GDA: variants seen among roughly 807,000 people sequenced by gnomAD.
GDA encodes cytoplasmic PSD-95 interactor.
Under a neutral mutation model 59.6 loss-of-function variants are expected in GDA, and 18 were observed. That is an observed-to-expected ratio of 0.30 (90% CI 0.21 to 0.45). GDA has a LOEUF of 0.45. Among genes scored for constraint, GDA ranks in the 20% least tolerant of loss-of-function variants. The pLI is 1.00. For missense variants in GDA, 427 were observed against 552.3 expected (o/e 0.77, Z 2.27); for synonymous variants, 201 against 201.1 (o/e 1.00, Z 0.00).
intron 9 of GDA, among the ~76,000 whole-genome samples, chr9:72,230,700 G>C (rs2131658323): frequency 6.6e-6 from 1 of 152,050 alleles, no homozygotes; most frequent in Non-Finnish European, 1.5e-5. Context: ...TACTCATTCA[G>C]GGTAACAAAT....
chr9:72,182,068 A>G (rs1174162443), intron 1 of GDA, among the ~76,000 whole-genome samples: 1 of 152,090 alleles, frequency 6.6e-6, no homozygotes, highest in African/African-American at 2.4e-5. Flanking sequence ...TAAGTTATAG[A>G]CATGCTGTTG....
chr9:72,126,790 C>T (rs960281208), intron 1 of GDA, among the ~76,000 whole-genome samples: 2 of 151,904 alleles, frequency 1.3e-5, no homozygotes, highest in African/African-American at 4.8e-5. Flanking sequence ...TGGTCTTGAG[C>T]GCCTGACCTC....
chr9:72,218,806 T>A (rs1836479326), intron 5 of GDA, among the ~76,000 whole-genome samples: 1 of 152,206 alleles, frequency 6.6e-6, no homozygotes, highest in Non-Finnish European at 1.5e-5. Context: ...TCCAAGTGCA[T>A]AGGACTTCAT....
In GDA at chr9:72,151,848, CT is replaced by C. The variant is rs1468810963; in HGVS notation, c.123+2167del. 2.6e-5 allele frequency among the ~76,000 whole-genome samples: 4 copies of C among 152,266 alleles called. No homozygotes were observed. In the East Asian group the frequency reaches 7.7e-4, roughly 29 times the overall value. On this transcript the variant is annotated intron_variant, in intron 1 of 13. Coordinates refer to ENST00000358399, the MANE Select transcript of GDA (RefSeq NM_004293.5). ...TTGATCTCCTGACCTCGTGATCCCC[CT>C]GCCTCGGCCTCCCAAAGTGCTGGGA...
chr9:72,248,233 A>G (rs1043450661), intron 13 of GDA, 39 bp from the exon 14 acceptor site: 2 of 1,396,504 alleles, frequency 1.4e-6, no homozygotes. Flanking sequence ...TTATTGACAC[A>G]AAAGGATTTT....
intron 1 of GDA, among the ~76,000 whole-genome samples, chr9:72,164,440 C>T (rs1829035466): frequency 6.6e-6 from 1 of 152,110 alleles, no homozygotes; most frequent in African/African-American, 2.4e-5. Context: ...AAGCTTATTT[C>T]AGCACAGGGA....
chr9:72,238,937 T>C (rs1240517649), intron 10 of GDA, among the ~76,000 whole-genome samples: 1 of 152,228 alleles, frequency 6.6e-6, no homozygotes, highest in Admixed American at 6.5e-5. Flanking sequence ...CCTAAGTAAC[T>C]GATCAAAGGT....
intron 5 of GDA, 65 bp downstream of exon 5, chr9:72,214,056 G>A: frequency 1.1e-6 from 1 of 923,984 alleles, no homozygotes. Flanking sequence ...GATGGAGTTA[G>A]AGATGGAAAA....
chr9:72,213,826 G>GA (rs1835741849), intron 4 of GDA, 60 bp from the exon 5 acceptor site: 1 of 806,980 alleles, frequency 1.2e-6, no homozygotes, highest in East Asian at 2.7e-5. Context: ...AAAAGAAAAA[G>GA]AAAAAGTACT....
At chr9:72,230,500 AAAT>A (rs1335884466) in intron 9 of GDA, among the ~76,000 whole-genome samples, 293 of 123,102 alleles carry the variant, frequency 2.4e-3, no homozygotes, top group African/African-American at 6.6e-3. Flanking sequence ...CAAAAAAAAA[AAAT>A]ATATATATAT....
In GDA at chr9:72,131,028, T is replaced by A. The variant is rs2130613657; in HGVS notation, c.-100+16195T>A. ...CATTTGAGAAATAAGGGAGCAATAG[T>A]CATCACAAGGACAGTGCAATTGGTT... On this transcript the variant is annotated intron_variant, in intron 1 of 13. Coordinates refer to the GDA transcript ENST00000545168. Among the ~76,000 whole-genome samples, 3 of 152,312 alleles carry A rather than the reference T, an allele frequency of 2.0e-5. No individual in the cohort carries two copies. In the South Asian group the frequency reaches 6.2e-4, roughly 32 times the overall value.
At chr9:72,148,313 G>GTGTA (rs1377991961), upstream of GDA, among the ~76,000 whole-genome samples, 1 of 2,108 alleles carries the variant, frequency 4.7e-4, no homozygotes, top group African/African-American at 5.1e-4. Flanking sequence ...GTGTGTATGT[G>GTGTA]TGTGTGTGTG....
At chr9:72,166,595 A>G (rs1829342271) in intron 1 of GDA, among the ~76,000 whole-genome samples, 1 of 152,228 alleles carries the variant, frequency 6.6e-6, no homozygotes, top group African/African-American at 2.4e-5. Flanking sequence ...TGACTTGATC[A>G]TTACATATTC....
intron 13 of GDA, 130 bp from the exon 14 acceptor site, chr9:72,248,142 G>T: frequency 2.8e-6 from 2 of 703,516 alleles, no homozygotes; most frequent in Non-Finnish European, 5.2e-6. Context: ...ACAATCTGAG[G>T]GTTGGGGGAA....
chr9:72,139,107 T>C (rs1166775887), intron 1 of GDA, among the ~76,000 whole-genome samples: 2 of 152,204 alleles, frequency 1.3e-5, no homozygotes, highest in African/African-American at 4.8e-5. Flanking sequence ...TCAAGCACTT[T>C]ACCTTAAGGT....
intron 1 of GDA, among the ~76,000 whole-genome samples, chr9:72,169,968 G>A (rs549791362): frequency 3.3e-5 from 5 of 152,168 alleles, no homozygotes; most frequent in East Asian, 1.9e-4. Flanking sequence ...GTATCTAAGC[G>A]TCCAGGAGGA....
chr9:72,174,299 T>A (rs1364220834), intron 1 of GDA, among the ~76,000 whole-genome samples: 1 of 152,186 alleles, frequency 6.6e-6, no homozygotes, highest in Non-Finnish European at 1.5e-5. Flanking sequence ...AATAAAATAA[T>A]AATTATGAAG....
chr9:72,158,509 C>A (rs1337694452), intron 1 of GDA, among the ~76,000 whole-genome samples: 4 of 151,860 alleles, frequency 2.6e-5, no homozygotes, highest in Non-Finnish European at 5.9e-5. Flanking sequence ...AGGAGAATCC[C>A]TTGAACCCGG....
chr9:72,247,833 C>T (rs1276777200), intron 13 of GDA, among the ~76,000 whole-genome samples: 1 of 152,094 alleles, frequency 6.6e-6, no homozygotes, highest in Non-Finnish European at 1.5e-5. Flanking sequence ...GAGAGAGAAA[C>T]AGTAATGCAG....
Sources: gnomAD v4.1 joint callset for allele counts (sites outside exome capture counted in the v4.1 genomes callset) on GRCh38, gnomAD v4.1.1 for gene constraint, MANE v1.5 for transcripts, NCBI Gene and HGNC (gene_info 2026-07-23, HGNC 2026-07-21) for gene names.